The following FPGT variants were observed in gnomAD, a reference collection of about 807,000 sequenced individuals.
FPGT encodes the protein GDP-L-fucose diphosphorylase.
A neutral mutation model predicts 45.8 loss-of-function variants in FPGT; 41 were observed. The observed-to-expected ratio is 0.90, with a 90% CI of 0.70 to 1.16. The LOEUF is 1.16. FPGT is among the 50% of genes most tolerant of loss of function. FPGT has a pLI of 0.00. For missense variants in FPGT, 755 were observed against 689.1 expected (o/e 1.10, Z -1.07); for synonymous variants, 292 against 247.2 (o/e 1.18, Z -1.70).
chr1:74,204,441 A>G lies in FPGT; in HGVS notation c.394A>G (p.Thr132Ala), dbSNP rs1329042476. Residue 132 changes from threonine (T) to alanine (A), a missense_variant, in exon 4 of 4, where the codon ACT becomes GCT. By Grantham distance (58) the Thr-to-Ala change is moderately conservative (BLOSUM62 0). Coordinates refer to ENST00000370898, the MANE Select transcript of FPGT (RefSeq NM_003838.5). Reference sequence around the variant, plus strand: ...TGCAAGTGCTCTGGGAAAAATTTTCACTGCTTTACCTCTTGGTAACCCCAT... The same window carrying G: ...TGCAAGTGCTCTGGGAAAAATTTTCGCTGCTTTACCTCTTGGTAACCCCAT... ...PNASALGKIF[T>A]ALPLGNPIYQ... is the part of the protein sequence containing the mutation. The G allele has an allele frequency of 2.5e-6, 4 of 1,597,574 alleles. No individual in the cohort carries two copies. The highest frequency in any genetic ancestry group is 3.4e-6 in the Non-Finnish European group (4 of 1,171,414).
chr1:74,202,416 AC>A (rs1434885408), intron 3 of FPGT, among the ~76,000 whole-genome samples: 2 of 152,238 alleles, frequency 1.3e-5, no homozygotes, highest in African/African-American at 2.4e-5. Flanking sequence ...AATGTGTAAA[AC>A]AATCTAATTT....
rs1226417181 is a variant in FPGT, at chr1:74,206,608, T to G, written c.*776T>G. ...AATTTCACTATAGACATTACTTGCA[T>G]TATCTCCTATCAGTCCTTCTAACAA... On this transcript the variant is annotated 3_prime_UTR_variant, in exon 4 of 4. Coordinates refer to ENST00000370898, the MANE Select transcript of FPGT (RefSeq NM_003838.5). 6.6e-6 allele frequency: 1 copy of G among 152,114 alleles called. No homozygotes were observed. Among genetic ancestry groups the G allele is most frequent in the African/African-American group, 2.4e-5 (1 of 41,442 alleles). The allele number at this position is 152,114 out of a possible 1,614,324, so 9.4% of individuals were successfully genotyped here.
At chr1:74,202,600 A>G (rs984826462) in intron 3 of FPGT, among the ~76,000 whole-genome samples, 1 of 152,132 alleles carries the variant, frequency 6.6e-6, no homozygotes, top group Admixed American at 6.5e-5. Context: ...GAAACTTATT[A>G]GCTCTCTTTT....
At chr1:74,200,983 G>A (rs1296230225) in intron 2 of FPGT, among the ~76,000 whole-genome samples, 1 of 134,072 alleles carries the variant, frequency 7.5e-6, no homozygotes, top group Non-Finnish European at 1.8e-5. Flanking sequence ...TTTGTGATTT[G>A]TAACTCTGTA....
chr1:74,199,668 A>G lies in FPGT; in HGVS notation c.87A>G (p.Lys29=), dbSNP rs745974687. The change falls in exon 2 of 4, where the codon AAA becomes AAG. Residue 29 remains lysine, a synonymous_variant. Coordinates refer to ENST00000370898, the MANE Select transcript of FPGT (RefSeq NM_003838.5). ...KLRRFSELRG[K]LVARGEFWDI... is the part of the protein sequence containing the mutation. ...TTCCTTGCTTTTTCCAAATAGGCAA[A>G]CTTGTAGCACGTGGAGAATTCTGGG... The G allele has an allele frequency of 9.3e-6, 15 of 1,604,316 alleles. No homozygotes were observed. The highest frequency in any genetic ancestry group is 1.2e-5 in the Non-Finnish European group (14 of 1,177,204).
intron 2 of FPGT, 56 bp from the exon 3 acceptor site, chr1:74,201,262 A>G: frequency 6.9e-7 from 1 of 1,454,540 alleles, no homozygotes; most frequent in Non-Finnish European, 9.5e-7. Context: ...CTGTCATGAC[A>G]AAGTTTTAGT....
At chr1:74,204,116 T>A (rs951609987) in intron 3 of FPGT, among the ~76,000 whole-genome samples, 2 of 152,098 alleles carry the variant, frequency 1.3e-5, no homozygotes, top group Non-Finnish European at 2.9e-5. Context: ...TACATGTAAT[T>A]CAAAACATTT....
chr1:74,204,679 T>C lies in FPGT; in HGVS notation c.632T>C (p.Phe211Ser), dbSNP rs1557672628. ...TTHGVFVLDP[F>S]DDLKHRDLEY... ...CATGGAGTATTTGTCTTAGATCCTT[T>C]TGATGATTTAAAACATAGAGACCTT... is the stretch of plus-strand genomic sequence containing the variant. The change falls in exon 4 of 4, where the codon TTT becomes TCT. Residue 211 changes from phenylalanine (F) to serine (S), a missense_variant. By Grantham distance (155) the Phe-to-Ser change is radical. Coordinates refer to ENST00000370898, the MANE Select transcript of FPGT (RefSeq NM_003838.5). 1 of 1,612,866 alleles carries C rather than the reference T, an allele frequency of 6.2e-7. No individual in the cohort carries two copies. Among genetic ancestry groups the C allele is most frequent in the Non-Finnish European group, 8.5e-7 (1 of 1,178,830 alleles).
chr1:74,202,160 AAT>A, intron 3 of FPGT, among the ~76,000 whole-genome samples: 1 of 152,246 alleles, frequency 6.6e-6, no homozygotes, highest in East Asian at 1.9e-4. Flanking sequence ...TAGCTTTTTA[AAT>A]TGAATACATT....
Position 74,205,117 on chromosome 1 carries a change from A to T in FPGT, c.1070A>T (p.Tyr357Phe). ...NVVVLNNSKF[Y>F]HIGTTEEYLF... The stretch of plus-strand genomic sequence containing the variant: ...GTTGTTCTTAATAACTCCAAATTTT[A>T]TCACATTGGAACAACCGAAGAATAT... The change falls in exon 4 of 4, where the codon TAT becomes TTT. Residue 357 changes from tyrosine (Y) to phenylalanine (F), a missense_variant. By Grantham distance (22) the Tyr-to-Phe change is conservative. Coordinates refer to ENST00000370898, the MANE Select transcript of FPGT (RefSeq NM_003838.5). 6.2e-7 allele frequency: 1 copy of T among 1,613,674 alleles called. No individual in the cohort carries two copies. The highest frequency in any genetic ancestry group is 1.6e-4 in the Middle Eastern group (1 of 6,062).
Position 74,198,342 on chromosome 1 carries a change from A to T in FPGT, c.64A>T (p.Arg22Trp), listed in dbSNP as rs761462169. ...AGAAGCCACCCAGCGAAAATTGCGG[A>T]GGTTTTCCGAGCTAAGAGGTACCAG... ...LREATQRKLR[R>W]FSELRGKLVA... is the part of the protein sequence containing the mutation. The change falls in exon 1 of 4, where the codon AGG becomes TGG. Residue 22 changes from arginine to tryptophan, a missense_variant. By Grantham distance (101) the Arg-to-Trp change is moderately radical (BLOSUM62 -3). Coordinates refer to ENST00000370898, the MANE Select transcript of FPGT (RefSeq NM_003838.5). 3.1e-6 allele frequency: 5 copies of T among 1,614,064 alleles called. No individual in the cohort carries two copies. In the East Asian group the frequency reaches 1.1e-4, roughly 36 times the overall value.
At position 74,205,750 on chromosome 1, in the gene FPGT, T is replaced by G. The variant is rs1317707019; in HGVS notation, c.1703T>G (p.Leu568Arg). ...SYKLLSIEEM[L>R]IYKDVEDMIT... ...AAGTTGCTGTCCATTGAAGAAATGCTTATCTACAAAGATGTAGAAGATATG... is the reference window on the plus strand; with the variant it reads ...AAGTTGCTGTCCATTGAAGAAATGCGTATCTACAAAGATGTAGAAGATATG... The change falls in exon 4 of 4, where the codon CTT (leucine) becomes CGT (arginine). Residue 568 changes from leucine to arginine, a missense_variant. By Grantham distance (102) the Leu-to-Arg change is moderately radical. Transcript: ENST00000370898. The G allele has an allele frequency of 6.3e-7, 1 of 1,598,968 alleles. No homozygotes were observed. Among genetic ancestry groups the G allele is most frequent in the South Asian group, 1.1e-5 (1 of 90,724 alleles).
chr1:74,206,906 A>G lies in FPGT; in HGVS notation c.*1074A>G, dbSNP rs1652327045. ...AAGATTTGTCAGTGTGTTTTTTTAA[A>G]TGAAATAACTAGTCTGTGCTACTTT... On this transcript the variant is annotated 3_prime_UTR_variant, in exon 4 of 4. Coordinates refer to ENST00000370898, the MANE Select transcript of FPGT (RefSeq NM_003838.5). 6.6e-6 allele frequency: 1 copy of G among 152,120 alleles called. No homozygotes were observed. The highest frequency in any genetic ancestry group is 2.4e-5 in the African/African-American group (1 of 41,464). The allele number at this position is 152,120 out of a possible 1,614,324, so 9.4% of individuals were successfully genotyped here.
rs545721 is a variant in FPGT, at chr1:74,208,115, T to C, written c.*2283T>C. ...ACTATTGCTGCCTGGCTAATAGCTA[T>C]TATACTATCATTTGTAAGGCACATT... On this transcript the variant is annotated 3_prime_UTR_variant, in exon 4 of 4. Transcript: ENST00000370898. 0.41 allele frequency among the ~76,000 whole-genome samples: 62,270 copies of C among 151,400 alleles called. 14,148 individuals are homozygous for C. The highest frequency in any genetic ancestry group is 0.73 in the East Asian group (3,694 of 5,090).
chr1:74,198,939 C>T (rs887126378), intron 1 of FPGT, among the ~76,000 whole-genome samples: 1 of 152,176 alleles, frequency 6.6e-6, no homozygotes, highest in Admixed American at 6.5e-5. Flanking sequence ...GGGACTAATT[C>T]TTGGATAACA....
chr1:74,205,749 C>T lies in FPGT; in HGVS notation c.1702C>T (p.Leu568Phe). The change falls in exon 4 of 4, where the codon CTT (leucine) becomes TTT (phenylalanine). Residue 568 changes from leucine to phenylalanine, a missense_variant. Transcript: ENST00000370898. ...SYKLLSIEEM[L>F]IYKDVEDMIT... ...TAAGTTGCTGTCCATTGAAGAAATG[C>T]TTATCTACAAAGATGTAGAAGATAT... 6.3e-7 allele frequency: 1 copy of T among 1,596,832 alleles called. No individual in the cohort carries two copies. Among genetic ancestry groups the T allele is most frequent in the South Asian group, 1.1e-5 (1 of 90,660 alleles).
chr1:74,199,573 C>T (rs1316990774), intron 1 of FPGT, 91 bp from the exon 2 acceptor site: 13 of 1,384,672 alleles, frequency 9.4e-6, no homozygotes, highest in Non-Finnish European at 1.3e-5. Flanking sequence ...ATGGATATTA[C>T]CTTCTTTATC....
At chr1:74,203,942 T>C (rs893247201) in intron 3 of FPGT, among the ~76,000 whole-genome samples, 61 of 151,578 alleles carry the variant, frequency 4.0e-4, no homozygotes, top group African/African-American at 1.5e-3. Context: ...CTCGGGAGGC[T>C]GAGGCAGGAG....
chr1:74,203,265 T>C (rs1473378310), intron 3 of FPGT, among the ~76,000 whole-genome samples: 2 of 152,230 alleles, frequency 1.3e-5, no homozygotes, highest in African/African-American at 4.8e-5. Context: ...AATTTTTCAG[T>C]TCCATTATGA....
Sources: gnomAD v4.1 joint callset for allele counts (sites outside exome capture counted in the v4.1 genomes callset) on GRCh38, gnomAD v4.1.1 for gene constraint, MANE v1.5 for transcripts, NCBI Gene and HGNC (gene_info 2026-07-23, HGNC 2026-07-21) for gene names.